MAGI2: variants seen among roughly 807,000 people sequenced by gnomAD.
The protein encoded by MAGI2 is membrane associated guanylate kinase, WW and PDZ domain containing 2, also known as membrane-associated guanylate kinase, WW and PDZ domain-containing protein 2.
Under a neutral mutation model 133.3 loss-of-function variants are expected in MAGI2, and 35 were observed. That is an observed-to-expected ratio of 0.26 (90% CI 0.20 to 0.35). The LOEUF (loss-of-function observed/expected upper bound fraction) is 0.35, where lower values mean the gene tolerates loss of function less well. Ranked by LOEUF, MAGI2 falls within the 10% of genes least tolerant of loss-of-function variation. MAGI2 has a pLI of 1.00. For synonymous variants in MAGI2, 729 were observed against 710.6 expected (o/e 1.03, Z -0.41); for missense variants, 1,636 against 1,863.4 (o/e 0.88, Z 2.25).
At chr7:78,389,175 A>G (rs1273103068) in intron 6 of MAGI2, among the ~76,000 whole-genome samples, 1 of 152,218 alleles carries the variant, frequency 6.6e-6, no homozygotes, top group Non-Finnish European at 1.5e-5. Context: ...AACTTAATAG[A>G]GACACAAATT....
intron 9 of MAGI2, among the ~76,000 whole-genome samples, chr7:78,328,502 AACACAC>A (rs1554346526): frequency 9.5e-6 from 1 of 105,098 alleles, no homozygotes; most frequent in Non-Finnish European, 1.9e-5. Flanking sequence ...CCAGCTCTAA[AACACAC>A]ACACACACAC....
intron 9 of MAGI2, among the ~76,000 whole-genome samples, chr7:78,295,454 A>G (rs1225130771): frequency 1.3e-5 from 2 of 152,308 alleles, no homozygotes; most frequent in East Asian, 3.9e-4. Context: ...ATTAAGTTTA[A>G]AAGAATCTCT....
intron 1 of MAGI2, among the ~76,000 whole-genome samples, chr7:79,042,140 T>G (rs1584769423): frequency 6.6e-6 from 1 of 152,178 alleles, no homozygotes; most frequent in East Asian, 1.9e-4. Flanking sequence ...TATTTACAAC[T>G]TAATTATCAG....
chr7:78,717,366 C>G (rs954406060), intron 2 of MAGI2, among the ~76,000 whole-genome samples: 1 of 152,020 alleles, frequency 6.6e-6, no homozygotes, highest in African/African-American at 2.4e-5. Context: ...GATGCAACAT[C>G]TGGGAGAAGA....
At chr7:78,463,630 A>G (rs147543091) in intron 6 of MAGI2, among the ~76,000 whole-genome samples, 5 of 152,360 alleles carry the variant, frequency 3.3e-5, no homozygotes, top group African/African-American at 9.6e-5. Flanking sequence ...AGATGCAAGA[A>G]TAACATTCTG....
intron 9 of MAGI2, among the ~76,000 whole-genome samples, chr7:78,312,725 A>G (rs926749358): frequency 6.6e-6 from 1 of 152,114 alleles, no homozygotes; most frequent in Non-Finnish European, 1.5e-5. Flanking sequence ...TATGGAAAGC[A>G]GTTTGGAGAT....
intron 6 of MAGI2, chr7:78,487,241 A>C (rs1793129286): frequency 9.6e-6 from 2 of 208,570 alleles, no homozygotes; most frequent in South Asian, 9.3e-5. Flanking sequence ...TGCACAGGGA[A>C]GGGAAAGACT....
chr7:79,061,635 C>T (rs1029162530), intron 1 of MAGI2, among the ~76,000 whole-genome samples: 2 of 151,796 alleles, frequency 1.3e-5, no homozygotes, highest in African/African-American at 4.8e-5. Flanking sequence ...ATAACTGGGA[C>T]CAAGATTAGG....
chr7:78,301,647 T>G (rs1316144098), intron 9 of MAGI2, among the ~76,000 whole-genome samples: 1 of 152,230 alleles, frequency 6.6e-6, no homozygotes, highest in Admixed American at 6.5e-5. Flanking sequence ...CATTCTCATA[T>G]TTGACTGATG....
At chr7:78,079,395 T>C (rs541793234) in intron 20 of MAGI2, among the ~76,000 whole-genome samples, 8 of 152,362 alleles carry the variant, frequency 5.3e-5, no homozygotes, top group Admixed American at 4.6e-4. Context: ...TTAGGGAATA[T>C]ATCTGATACA....
intron 3 of MAGI2, among the ~76,000 whole-genome samples, chr7:78,551,988 G>A (rs1203462784): frequency 6.6e-6 from 1 of 152,094 alleles, no homozygotes; most frequent in Non-Finnish European, 1.5e-5. Context: ...CAAGCAACTT[G>A]CCTGCTTTGG....
At chr7:78,316,947 G>A (rs186431014) in intron 9 of MAGI2, among the ~76,000 whole-genome samples, 2 of 152,154 alleles carry the variant, frequency 1.3e-5, no homozygotes, top group East Asian at 1.9e-4. Context: ...TGCTTCACCC[G>A]TGATTCTCTA....
chr7:79,226,893 T>C (rs1232250520), intron 1 of MAGI2, among the ~76,000 whole-genome samples: 1 of 152,186 alleles, frequency 6.6e-6, no homozygotes, highest in Admixed American at 6.5e-5. Context: ...GATTAGAATA[T>C]GTAATTTGCA....
At chr7:79,259,421 C>G (rs1355148540) in intron 1 of MAGI2, among the ~76,000 whole-genome samples, 5 of 152,148 alleles carry the variant, frequency 3.3e-5, no homozygotes, top group Non-Finnish European at 7.4e-5. Flanking sequence ...AAAATAATTT[C>G]TTATGCATCA....
At chr7:78,345,710 TATAAA>T in intron 8 of MAGI2, 1 of 604,798 alleles carries the variant, frequency 1.7e-6, no homozygotes, top group Non-Finnish European at 2.9e-6. Context: ...TGTACATTCC[TATAAA>T]GTACTGCCTG....
At chr7:78,780,931 C>T (rs1001986074) in intron 2 of MAGI2, among the ~76,000 whole-genome samples, 1 of 152,208 alleles carries the variant, frequency 6.6e-6, no homozygotes, top group Non-Finnish European at 1.5e-5. Context: ...ATTTACATTA[C>T]TTGCACCTTG....
chr7:78,324,217 T>C (rs1375290800), intron 9 of MAGI2, among the ~76,000 whole-genome samples: 1 of 103,654 alleles, frequency 9.6e-6, no homozygotes, highest in Non-Finnish European at 2.3e-5. Context: ...CACTACACTT[T>C]AGAAGCCTGA....
At chr7:78,585,872 T>A (rs1211139826) in intron 3 of MAGI2, among the ~76,000 whole-genome samples, 11 of 152,162 alleles carry the variant, frequency 7.2e-5, no homozygotes, top group Admixed American at 7.2e-4. Flanking sequence ...ATGAAGATGA[T>A]CACCTTTATG....
At chr7:78,529,313 T>C (rs1012442180) in intron 3 of MAGI2, among the ~76,000 whole-genome samples, 1 of 151,992 alleles carries the variant, frequency 6.6e-6, no homozygotes, top group African/African-American at 2.4e-5. Context: ...AGGTGGTTTG[T>C]TCATGTAAAG....
Sources: allele counts gnomAD v4.1 joint callset (sites outside exome capture counted in the v4.1 genomes callset), GRCh38; gene constraint gnomAD v4.1.1; transcripts MANE v1.5; gene names NCBI Gene and HGNC (gene_info 2026-07-23, HGNC 2026-07-21).